Variants in CSMD1 observed in about 807,000 individuals in gnomAD.
CSMD1 encodes the protein CUB and sushi domain-containing protein 1.
In CSMD1, 213 loss-of-function variants were observed where a neutral mutation model predicts 417.5. The observed-to-expected ratio is 0.51, with a 90% CI of 0.46 to 0.57. The LOEUF (loss-of-function observed/expected upper bound fraction) is 0.57. Among genes scored for constraint, CSMD1 ranks in the 20% least tolerant of loss-of-function variants. CSMD1 has a pLI of 0.00. For synonymous variants in CSMD1, 2,862 were observed against 1,736.8 expected, an observed-to-expected ratio of 1.65 and a Z score of -16.11; for missense variants, 6,923 against 4,529.7, an observed-to-expected ratio of 1.53 and a Z score of -15.17.
chr8:4,694,693 T>G (rs1358247479), intron 1 of CSMD1, among the ~76,000 whole-genome samples: 1 of 152,092 alleles, frequency 6.6e-6, no homozygotes, highest in African/African-American at 2.4e-5. Flanking sequence ...TTGATTGATG[T>G]CTCATGTTTC....
chr8:3,810,059 AT>A (rs1398869293), intron 5 of CSMD1, among the ~76,000 whole-genome samples: 1 of 152,046 alleles, frequency 6.6e-6, no homozygotes, highest in African/African-American at 2.4e-5. Context: ...ACACCTACAT[AT>A]TTTTATTATC....
At chr8:4,155,492 G>T (rs565855790) in intron 3 of CSMD1, among the ~76,000 whole-genome samples, 4 of 152,150 alleles carry the variant, frequency 2.6e-5, no homozygotes, top group Middle Eastern at 3.2e-3. Context: ...TTAAACAAGG[G>T]AAAGTATCGT....
intron 12 of CSMD1, among the ~76,000 whole-genome samples, chr8:3,439,491 A>T (rs1313518357): frequency 4.2e-5 from 4 of 94,700 alleles, no homozygotes; most frequent in Non-Finnish European, 6.3e-5. Flanking sequence ...CTGTGTGTGT[A>T]TCTGTGTGTG....
At chr8:4,071,779 T>C (rs1027675714) in intron 3 of CSMD1, among the ~76,000 whole-genome samples, 7 of 152,206 alleles carry the variant, frequency 4.6e-5, no homozygotes, top group Non-Finnish European at 2.9e-5. Context: ...TTTTTATTCC[T>C]TGGCAGGAAA....
At chr8:3,417,135 A>T (rs1263584882) in intron 12 of CSMD1, among the ~76,000 whole-genome samples, 6 of 152,188 alleles carry the variant, frequency 3.9e-5, no homozygotes. Context: ...TGACATATGA[A>T]ATATAGCAGG....
At chr8:4,565,763 T>C (rs1402608977) in intron 2 of CSMD1, among the ~76,000 whole-genome samples, 5 of 12,786 alleles carry the variant, frequency 3.9e-4, no homozygotes, top group South Asian at 2.3e-3. Context: ...TATATATATA[T>C]ATATATATAT....
intron 26 of CSMD1, among the ~76,000 whole-genome samples, chr8:3,265,521 T>C (rs1801370902): frequency 6.6e-6 from 1 of 151,158 alleles, no homozygotes; most frequent in South Asian, 2.1e-4. Flanking sequence ...GAGAAGGGAG[T>C]GAGTCTTAGA....
At chr8:4,402,066 C>G (rs1054714455) in intron 3 of CSMD1, among the ~76,000 whole-genome samples, 2 of 152,084 alleles carry the variant, frequency 1.3e-5, no homozygotes, top group Non-Finnish European at 2.9e-5. Context: ...CCTTCTAACC[C>G]CATGGCTTCC....
Position 3,372,916 on chromosome 8 carries a change from G to A in CSMD1, c.2783-3546C>T, listed in dbSNP as rs868808557. Among the ~76,000 whole-genome samples the A allele has an allele frequency of 5.9e-5, 9 of 152,198 alleles. 1 individual carries two copies. The South Asian group carries it at 1.2e-3, about 21-fold the overall frequency. On this transcript the variant is annotated intron_variant, in intron 18 of 69. Transcript: ENST00000635120. ...GCACCGCGTAGTGGGAAGAAAACCAGCAGAGGACGGAGGAGTCCCGAATTC... is the reference window on the plus strand; with the variant it reads ...GCACCGCGTAGTGGGAAGAAAACCAACAGAGGACGGAGGAGTCCCGAATTC...
intron 26 of CSMD1, among the ~76,000 whole-genome samples, chr8:3,232,854 GTATT>G (rs1798922336): frequency 6.6e-6 from 1 of 151,674 alleles, no homozygotes; most frequent in South Asian, 2.1e-4. Context: ...ATTTCAGTAT[GTATT>G]TAGTTGTAAT....
intron 2 of CSMD1, among the ~76,000 whole-genome samples, chr8:4,553,439 ATTTT>A (rs34779117): frequency 7.2e-6 from 1 of 139,470 alleles, no homozygotes. Flanking sequence ...CTGAAAAAGA[ATTTT>A]TTTTTTTTTT....
chr8:4,334,599 C>T (rs1045242346), intron 3 of CSMD1, among the ~76,000 whole-genome samples: 1 of 152,120 alleles, frequency 6.6e-6, no homozygotes, highest in Non-Finnish European at 1.5e-5. Flanking sequence ...TTTTATTTCT[C>T]TATCTGTATT....
chr8:3,989,666 A>C (rs1157729663), intron 5 of CSMD1, among the ~76,000 whole-genome samples: 1 of 152,276 alleles, frequency 6.6e-6, no homozygotes, highest in African/African-American at 2.4e-5. Context: ...ATGTTTATTA[A>C]GAAACGATAC....
intron 5 of CSMD1, among the ~76,000 whole-genome samples, chr8:3,956,987 G>A (rs1360247240): frequency 6.6e-6 from 1 of 151,696 alleles, no homozygotes; most frequent in African/African-American, 2.4e-5. Flanking sequence ...TTTCTTGTGG[G>A]CCCTAAAAAA....
At chr8:4,040,420 G>A (rs546242176) in intron 3 of CSMD1, among the ~76,000 whole-genome samples, 2 of 152,156 alleles carry the variant, frequency 1.3e-5, no homozygotes, top group Non-Finnish European at 2.9e-5. Flanking sequence ...TTCCAGGACA[G>A]GTAACTGTTA....
chr8:4,451,681 C>G (rs945008538), intron 2 of CSMD1, among the ~76,000 whole-genome samples: 1 of 151,914 alleles, frequency 6.6e-6, no homozygotes, highest in African/African-American at 2.4e-5. Flanking sequence ...CACTGATGAC[C>G]ATGAAATATC....
chr8:3,529,949 T>C (rs780643334), intron 10 of CSMD1, among the ~76,000 whole-genome samples: 1 of 152,188 alleles, frequency 6.6e-6, no homozygotes, highest in Non-Finnish European at 1.5e-5. Context: ...ATATACACAA[T>C]AAATTTGCCC....
At chr8:3,281,707 A>C (rs1489523857) in intron 26 of CSMD1, among the ~76,000 whole-genome samples, 1 of 152,134 alleles carries the variant, frequency 6.6e-6, no homozygotes, top group Non-Finnish European at 1.5e-5. Context: ...AACACAGGGA[A>C]TTGTTAGGGC....
chr8:3,834,460 T>G lies in CSMD1; in HGVS notation c.819-80418A>C, dbSNP rs143083915. 1.1e-3 allele frequency among the ~76,000 whole-genome samples: 168 copies of G among 152,282 alleles called. 1 individual carries two copies. The highest frequency in any genetic ancestry group is 4.8e-3 in the South Asian group (23 of 4,830). ...CTCACTGGGCTTCCCCGGCAGGCAG[T>G]GCTCCATGTGTGTTGTTCCAGGTCA... On this transcript the variant is annotated intron_variant, in intron 5 of 69. Transcript: ENST00000635120.
Sources: allele counts gnomAD v4.1 joint callset (sites outside exome capture counted in the v4.1 genomes callset), GRCh38; gene constraint gnomAD v4.1.1; transcripts MANE v1.5; gene names NCBI Gene and HGNC (gene_info 2026-07-23, HGNC 2026-07-21).